Variants in ANK2 observed in about 807,000 individuals in gnomAD.
ANK2 encodes the protein ankyrin 2.
A neutral mutation model predicts 360.5 loss-of-function variants in ANK2; 83 were observed. The ratio of observed to expected loss-of-function variants is 0.23; its 90% CI spans 0.19 to 0.28. The LOEUF (loss-of-function observed/expected upper bound fraction) is 0.28, where lower values mean the gene tolerates loss of function less well. Among genes scored for constraint, ANK2 ranks in the 10% least tolerant of loss-of-function variants. The pLI is 1.00. For missense variants in ANK2, 4,201 were observed against 4,795.7 expected, an observed-to-expected ratio of 0.88 and a Z score of 3.66; for synonymous variants, 1,740 against 1,759.5, an observed-to-expected ratio of 0.99 and a Z score of 0.28.
At chr4:113,012,407 G>A (rs751021151) in intron 2 of ANK2, among the ~76,000 whole-genome samples, 3 of 152,108 alleles carry the variant, frequency 2.0e-5, no homozygotes, top group Admixed American at 6.5e-5. Flanking sequence ...TTGAGAATGC[G>A]ATAGGTCTTT....
At chr4:113,102,867 G>A (rs1041316269) in intron 1 of ANK2, among the ~76,000 whole-genome samples, 8 of 151,998 alleles carry the variant, frequency 5.3e-5, no homozygotes, top group Non-Finnish European at 1.2e-4. Context: ...TTCATTTTCA[G>A]TTCCTCTTCA....
the ANK2 span, among the ~76,000 whole-genome samples, chr4:112,800,348 C>T: frequency 6.6e-6 from 1 of 152,156 alleles, no homozygotes; most frequent in Admixed American, 6.6e-5. Flanking sequence ...TTTTCTTTTA[C>T]CAATTAGTAT....
chr4:113,192,101 A>T (rs549970686), intron 2 of ANK2, among the ~76,000 whole-genome samples: 5 of 152,306 alleles, frequency 3.3e-5, no homozygotes, highest in African/African-American at 9.6e-5. Flanking sequence ...TCTGGGATAC[A>T]TGTGCTGAAT....
At position 113,274,659 on chromosome 4, in the gene ANK2, A is replaced by T; in HGVS notation, c.1683+10A>T. 1 of 1,613,546 alleles carries T rather than the reference A, an allele frequency of 6.2e-7. No individual in the cohort carries two copies. The highest frequency in any genetic ancestry group is 1.1e-5 in the South Asian group (1 of 91,036). ...CTCCTTAGCTACCAAGGTAAGGAGA[A>T]TGACATCATGAGAACATGGACCAAG... On this transcript the variant is annotated intron_variant, in intron 15 of 45. Coordinates refer to ENST00000357077, the MANE Select transcript of ANK2 (RefSeq NM_001148.6).
At chr4:112,958,647 A>AGGGCTG (rs1485010416) in intron 2 of ANK2, among the ~76,000 whole-genome samples, 1 of 151,594 alleles carries the variant, frequency 6.6e-6, no homozygotes, top group African/African-American at 2.4e-5. Flanking sequence ...GGAGAGGGAG[A>AGGGCTG]GGGCTGCTCT....
intron 2 of ANK2, among the ~76,000 whole-genome samples, chr4:113,020,683 G>A (rs537467189): frequency 7.2e-5 from 11 of 152,058 alleles, no homozygotes; most frequent in Admixed American, 5.9e-4. Flanking sequence ...CAAAATAGCC[G>A]GGCATGGTGG....
chr4:113,199,580 A>AT lies in ANK2; in HGVS notation c.384+472dup, dbSNP rs545434927. 3.3e-3 allele frequency among the ~76,000 whole-genome samples: 505 copies of AT among 152,258 alleles called. 2 individuals carry two copies. Among genetic ancestry groups the AT allele is most frequent in the African/African-American group, 0.012 (483 of 41,574 alleles). On this transcript the variant is annotated intron_variant, in intron 4 of 45. Coordinates refer to ENST00000357077, the MANE Select transcript of ANK2 (RefSeq NM_001148.6). The stretch of plus-strand genomic sequence containing the variant: ...TTTACTAATAATAAATAGGAAATGT[A>AT]TGGTTTTAAAATGAAATTAAGAAAA...
intron 41 of ANK2, 90 bp from the exon 42 acceptor site, chr4:113,367,476 T>A (rs1589225076): frequency 8.2e-7 from 1 of 1,217,246 alleles, no homozygotes; most frequent in East Asian, 2.6e-5. Context: ...TATCTTCTTA[T>A]TTTTTTTATC....
intron 10 of ANK2, among the ~76,000 whole-genome samples, chr4:113,251,698 G>C (rs1190037828): frequency 6.6e-6 from 1 of 151,708 alleles, no homozygotes; most frequent in African/African-American, 2.4e-5. Context: ...TAGCCAGGAT[G>C]GTCTTGATCT....
At chr4:113,144,293 A>C (rs2096748602) in intron 1 of ANK2, among the ~76,000 whole-genome samples, 1 of 152,172 alleles carries the variant, frequency 6.6e-6, no homozygotes, top group African/African-American at 2.4e-5. Context: ...CCAGATTGAC[A>C]AAAAAGCAGC....
intron 2 of ANK2, among the ~76,000 whole-genome samples, chr4:112,958,195 C>A (rs933096213): frequency 2.6e-5 from 4 of 152,036 alleles, no homozygotes; most frequent in Non-Finnish European, 4.4e-5. Flanking sequence ...GACGGGGTGG[C>A]GGCCGGGCAG....
chr4:112,906,777 C>T (rs775313848), intron 2 of ANK2, among the ~76,000 whole-genome samples: 5 of 151,824 alleles, frequency 3.3e-5, no homozygotes, highest in Non-Finnish European at 7.4e-5. Flanking sequence ...ATTGAAGTAT[C>T]GTTTGTGGAG....
intron 2 of ANK2, among the ~76,000 whole-genome samples, chr4:112,921,656 C>T (rs1372621499): frequency 6.6e-6 from 1 of 151,434 alleles, no homozygotes; most frequent in Non-Finnish European, 1.5e-5. Context: ...TTTTTCAAAA[C>T]TTCAAGGGAG....
At chr4:112,943,798 G>A (rs1009982813) in intron 2 of ANK2, among the ~76,000 whole-genome samples, 2 of 151,990 alleles carry the variant, frequency 1.3e-5, no homozygotes, top group African/African-American at 4.8e-5. Context: ...GTAAACATTT[G>A]GGGGAGAGGG....
chr4:113,117,067 G>C (rs2094873798), intron 1 of ANK2: 1 of 351,110 alleles, frequency 2.8e-6, no homozygotes, highest in Admixed American at 3.8e-5. Flanking sequence ...GGAGGTCTCG[G>C]TTTGGGACCT....
chr4:113,220,658 T>C (rs2099140090), intron 4 of ANK2, among the ~76,000 whole-genome samples: 1 of 152,166 alleles, frequency 6.6e-6, no homozygotes, highest in Non-Finnish European at 1.5e-5. Context: ...TTTTGCAAAG[T>C]GAAACAGAGA....
At chr4:113,273,242 T>C (rs2059142489) in intron 14 of ANK2, among the ~76,000 whole-genome samples, 1 of 152,240 alleles carries the variant, frequency 6.6e-6, no homozygotes, top group Non-Finnish European at 1.5e-5. Flanking sequence ...GTTTAATTTT[T>C]CTTAATATTG....
At chr4:113,264,027 C>T (rs778653251) in intron 13 of ANK2, among the ~76,000 whole-genome samples, 3 of 152,178 alleles carry the variant, frequency 2.0e-5, no homozygotes, top group Non-Finnish European at 4.4e-5. Flanking sequence ...ATACCTGAGG[C>T]ATGATGCATG....
chr4:113,339,379 GC>G, intron 32 of ANK2, 57 bp downstream of exon 32: 2 of 1,386,208 alleles, frequency 1.4e-6, no homozygotes, highest in Non-Finnish European at 2.1e-6. Flanking sequence ...CAAAAAAACT[GC>G]CCTTTGTTTT....
Sources: gnomAD v4.1 joint callset for allele counts (sites outside exome capture counted in the v4.1 genomes callset) on GRCh38, gnomAD v4.1.1 for gene constraint, MANE v1.5 for transcripts, NCBI Gene and HGNC (gene_info 2026-07-23, HGNC 2026-07-21) for gene names.